Variants in FHOD3 observed in about 807,000 individuals in gnomAD.
FHOD3 encodes the protein FH1/FH2 domain-containing protein 3.
Under a neutral mutation model 173.0 loss-of-function variants are expected in FHOD3, and 90 were observed. That is an observed-to-expected ratio of 0.52 (90% CI 0.44 to 0.62). FHOD3 has a LOEUF of 0.62. Among genes scored for constraint, FHOD3 ranks in the 20% least tolerant of loss-of-function variants. FHOD3 has a pLI of 0.00. For synonymous variants in FHOD3, 828 were observed against 823.0 expected (o/e 1.01, Z -0.10); for missense variants, 1,945 against 2,034.7 (o/e 0.96, Z 0.85).
At chr18:36,655,720 A>C (rs1272659154) in intron 13 of FHOD3, among the ~76,000 whole-genome samples, 1 of 148,372 alleles carries the variant, frequency 6.7e-6, no homozygotes, top group African/African-American at 2.5e-5. Flanking sequence ...CCGACCAGTT[A>C]GTCATTAAAA....
intron 8 of FHOD3, among the ~76,000 whole-genome samples, chr18:36,606,719 C>T (rs2032116943): frequency 6.6e-6 from 1 of 152,160 alleles, no homozygotes; most frequent in Admixed American, 6.5e-5. Context: ...GGGCAAATTT[C>T]CCTTTAGCTG....
At chr18:36,671,850 C>A (rs1189363137) in intron 14 of FHOD3, among the ~76,000 whole-genome samples, 1 of 152,132 alleles carries the variant, frequency 6.6e-6, no homozygotes, top group Non-Finnish European at 1.5e-5. Flanking sequence ...AGGGAGTAAG[C>A]CGTGCCAGAA....
intron 3 of FHOD3, among the ~76,000 whole-genome samples, chr18:36,419,671 C>A (rs1373529334): frequency 6.6e-6 from 1 of 152,154 alleles, no homozygotes; most frequent in Non-Finnish European, 1.5e-5. Flanking sequence ...TTTTAAGTGC[C>A]TAAGTAGTGG....
intron 3 of FHOD3, among the ~76,000 whole-genome samples, chr18:36,491,631 G>A (rs2054478256): frequency 6.6e-6 from 1 of 151,044 alleles, no homozygotes; most frequent in Non-Finnish European, 1.5e-5. Flanking sequence ...CCACGGTTAT[G>A]CTACTTACAG....
At chr18:36,499,836 T>A (rs117717081) in intron 3 of FHOD3, among the ~76,000 whole-genome samples, 1 of 152,218 alleles carries the variant, frequency 6.6e-6, no homozygotes, top group Admixed American at 6.5e-5. Flanking sequence ...AGAAAGGTGA[T>A]GCATTTTTCT....
chr18:36,635,312 G>T (rs994488802), intron 10 of FHOD3, among the ~76,000 whole-genome samples: 1 of 152,194 alleles, frequency 6.6e-6, no homozygotes, highest in South Asian at 2.1e-4. Flanking sequence ...TTGAATCTGA[G>T]GATCTTTCTA....
chr18:36,640,582 A>G lies in FHOD3; in HGVS notation c.1197-8734A>G, dbSNP rs145423689. Among the ~76,000 whole-genome samples, 26 of 152,346 alleles carry G rather than the reference A, an allele frequency of 1.7e-4. No homozygotes were observed. The East Asian group carries it at 4.6e-3, about 27-fold the overall frequency. ...AACAAAATATTTCTATGAATATCTT[A>G]TATGTCCTATGCATTTTATGGAACT... On this transcript the variant is annotated intron_variant, in intron 10 of 28. Transcript: ENST00000590592.
chr18:36,609,645 T>C (rs953459536), intron 8 of FHOD3, among the ~76,000 whole-genome samples: 2 of 148,856 alleles, frequency 1.3e-5, no homozygotes, highest in Non-Finnish European at 3.0e-5. Flanking sequence ...AGTCTTGCTC[T>C]GTCGCCCAGG....
At chr18:36,745,255 G>A (rs1180924552) in intron 23 of FHOD3, among the ~76,000 whole-genome samples, 5 of 152,186 alleles carry the variant, frequency 3.3e-5, no homozygotes, top group African/African-American at 1.2e-4. Context: ...TGGCCTATCA[G>A]AATTTTTTTC....
chr18:36,467,623 G>A (rs1444272395), intron 3 of FHOD3, among the ~76,000 whole-genome samples: 1 of 152,110 alleles, frequency 6.6e-6, no homozygotes, highest in African/African-American at 2.4e-5. Flanking sequence ...TGGGTGAAAG[G>A]TCACATGAGC....
intron 6 of FHOD3, among the ~76,000 whole-genome samples, chr18:36,582,497 T>C (rs1353694548): frequency 6.6e-6 from 1 of 152,232 alleles, no homozygotes; most frequent in Non-Finnish European, 1.5e-5. Context: ...CATGCTGGAA[T>C]TGGTGGAAAG....
chr18:36,613,735 G>T (rs1466702449), intron 9 of FHOD3, among the ~76,000 whole-genome samples: 3 of 152,088 alleles, frequency 2.0e-5, no homozygotes, highest in African/African-American at 7.2e-5. Context: ...GTGTGGTGGC[G>T]CGATCTCGGC....
chr18:36,768,423 C>T (rs577084010), intron 27 of FHOD3, among the ~76,000 whole-genome samples: 1 of 152,110 alleles, frequency 6.6e-6, no homozygotes, highest in Non-Finnish European at 1.5e-5. Flanking sequence ...GATGCGAAGC[C>T]CATGTATATA....
chr18:36,769,564 A>G, intron 28 of FHOD3, 138 bp downstream of exon 28: 5 of 1,189,248 alleles, frequency 4.2e-6, no homozygotes, highest in Non-Finnish European at 4.6e-6. Flanking sequence ...ACTCATCCAC[A>G]GAAAGTTTCA....
rs144185058 is a variant in FHOD3 at position 36,669,668 on chromosome 18, A to G, written c.1835+11480A>G. Among the ~76,000 whole-genome samples, 1,335 of 152,082 alleles carry G rather than the reference A, an allele frequency of 8.8e-3. 16 individuals are homozygous for G. Among genetic ancestry groups the G allele is most frequent in the Non-Finnish European group, 0.015 (1,046 of 67,852 alleles). ...TAGCATAACAACCCTGCAACAACAC[A>G]CTTTCATTTTTTTTCTTCCAGCCTT... On this transcript the variant is annotated intron_variant, in intron 14 of 28. Transcript: ENST00000590592.
intron 2 of FHOD3, among the ~76,000 whole-genome samples, chr18:36,369,823 CT>C (rs2047090115): frequency 6.6e-6 from 1 of 152,034 alleles, no homozygotes; most frequent in Admixed American, 6.6e-5. Context: ...ACCAGGGACT[CT>C]TTTTATCCTT....
At chr18:36,539,516 G>C (rs946745749) in intron 5 of FHOD3, among the ~76,000 whole-genome samples, 1 of 152,208 alleles carries the variant, frequency 6.6e-6, no homozygotes, top group Non-Finnish European at 1.5e-5. Flanking sequence ...GACGTGCCTG[G>C]AGTGGTGAGC....
chr18:36,405,828 C>T (rs1050095686), intron 3 of FHOD3, among the ~76,000 whole-genome samples: 17 of 152,212 alleles, frequency 1.1e-4, no homozygotes, highest in African/African-American at 3.1e-4. Context: ...CTGGGAATTG[C>T]ATAATAATTA....
chr18:36,445,600 A>G (rs2051420089), intron 3 of FHOD3, among the ~76,000 whole-genome samples: 1 of 152,204 alleles, frequency 6.6e-6, no homozygotes, highest in African/African-American at 2.4e-5. Flanking sequence ...ATTTATTTGA[A>G]GTAGGAAGAG....
Sources: allele counts gnomAD v4.1 joint callset (sites outside exome capture counted in the v4.1 genomes callset), GRCh38; gene constraint gnomAD v4.1.1; transcripts MANE v1.5; gene names NCBI Gene and HGNC (gene_info 2026-07-23, HGNC 2026-07-21).